The following ADAM22 variants were observed in gnomAD, a reference collection of about 807,000 sequenced individuals.
The protein encoded by ADAM22 is ADAM metallopeptidase domain 22, also known as disintegrin and metalloproteinase domain-containing protein 22.
A neutral mutation model predicts 144.6 loss-of-function variants in ADAM22; 65 were observed. The observed-to-expected ratio is 0.45, with a 90% CI of 0.37 to 0.55. The LOEUF (loss-of-function observed/expected upper bound fraction) is 0.55. ADAM22 is among the 20% of genes least tolerant of loss of function. The probability of loss-of-function intolerance (pLI) is 0.00; values close to 1 mark genes in which losing one functional copy is unlikely to be tolerated. For synonymous variants in ADAM22, 391 were observed against 412.6 expected (o/e 0.95, Z 0.63); for missense variants, 974 against 1,184.9 (o/e 0.82, Z 2.61).
intron 2 of ADAM22, among the ~76,000 whole-genome samples, chr7:87,943,228 C>T (rs897095091): frequency 1.7e-4 from 25 of 150,926 alleles, no homozygotes; most frequent in African/African-American, 5.6e-4. Context: ...GATTTACATG[C>T]ATTATCTCTC....
chr7:88,110,614 G>A (rs1320517887), intron 5 of ADAM22, among the ~76,000 whole-genome samples: 1 of 150,760 alleles, frequency 6.6e-6, no homozygotes, highest in Non-Finnish European at 1.5e-5. Context: ...GTAATCCCAG[G>A]CATGAGCCAC....
chr7:88,129,047 G>T (rs1831111578), intron 9 of ADAM22, among the ~76,000 whole-genome samples: 1 of 151,890 alleles, frequency 6.6e-6, no homozygotes, highest in African/African-American at 2.4e-5. Context: ...AGTTCGCGGG[G>T]TACACCTTTA....
At chr7:88,155,539 AAAG>A (rs992193380) in intron 21 of ADAM22, among the ~76,000 whole-genome samples, 40 of 150,882 alleles carry the variant, frequency 2.7e-4, no homozygotes, top group Middle Eastern at 3.4e-3. Flanking sequence ...AAAAAAAAAA[AAAG>A]AAGAAGAAGA....
At chr7:88,007,736 A>G (rs1291011657) in intron 3 of ADAM22, among the ~76,000 whole-genome samples, 2 of 152,230 alleles carry the variant, frequency 1.3e-5, no homozygotes, top group Non-Finnish European at 2.9e-5. Flanking sequence ...TACACCTTAT[A>G]TAAAAATTAA....
chr7:87,991,658 G>A (rs1047097304), intron 3 of ADAM22, among the ~76,000 whole-genome samples: 10 of 152,250 alleles, frequency 6.6e-5, no homozygotes, highest in Non-Finnish European at 1.0e-4. Flanking sequence ...GAGCCACCGC[G>A]CCCGGCACTA....
intron 3 of ADAM22, among the ~76,000 whole-genome samples, chr7:88,070,682 A>G (rs1812511449): frequency 6.6e-6 from 1 of 152,116 alleles, no homozygotes. Flanking sequence ...AGTTGTTACT[A>G]GGATACATTT....
chr7:88,107,885 C>A (rs914577220), intron 4 of ADAM22, among the ~76,000 whole-genome samples: 1 of 152,110 alleles, frequency 6.6e-6, no homozygotes, highest in Non-Finnish European at 1.5e-5. Flanking sequence ...GACACTGTGC[C>A]TGACTCCCCA....
intron 3 of ADAM22, among the ~76,000 whole-genome samples, chr7:88,047,544 C>G (rs1257009267): frequency 2.0e-5 from 3 of 152,130 alleles, no homozygotes; most frequent in African/African-American, 7.2e-5. Context: ...GTCAAGTGCT[C>G]TCTAAATTTT....
At chr7:88,075,943 T>C (rs987962395) in intron 4 of ADAM22, among the ~76,000 whole-genome samples, 3 of 152,322 alleles carry the variant, frequency 2.0e-5, no homozygotes. Flanking sequence ...CTGCAAGTAC[T>C]AGGTTGGTGC....
chr7:87,978,369 G>C lies in ADAM22; in HGVS notation c.280G>C (p.Asp94His). The part of the protein sequence containing the change: ...THVDQASFQV[D>H]AFGTSFILDV... The stretch of plus-strand genomic sequence containing the variant: ...TGTTGACCAAGCAAGCTTCCAGGTT[G>C]ATGCCTTTGGAACGTCATTCATTCT... The change falls in exon 3 of 32, where the codon GAT (aspartate) becomes CAT (histidine). Residue 94 changes from aspartate (D) to histidine (H), a missense_variant. Transcript: ENST00000413139. 3 of 1,613,584 alleles carry C rather than the reference G, an allele frequency of 1.9e-6. No homozygotes were observed. The highest frequency in any genetic ancestry group is 2.5e-6 in the Non-Finnish European group (3 of 1,179,802).
chr7:88,058,308 A>G (rs987480981), intron 3 of ADAM22, among the ~76,000 whole-genome samples: 1 of 152,210 alleles, frequency 6.6e-6, no homozygotes, highest in Non-Finnish European at 1.5e-5. Flanking sequence ...AAACTCTAAA[A>G]CTTTGTTTTA....
intron 4 of ADAM22, among the ~76,000 whole-genome samples, chr7:88,083,652 G>A (rs968618410): frequency 1.4e-5 from 2 of 140,688 alleles, no homozygotes; most frequent in African/African-American, 2.6e-5. Flanking sequence ...GTATTTTAAA[G>A]CAAATTCCAG....
intron 2 of ADAM22, among the ~76,000 whole-genome samples, chr7:87,975,686 G>T (rs1227661317): frequency 1.3e-5 from 2 of 152,166 alleles, no homozygotes; most frequent in Non-Finnish European, 2.9e-5. Context: ...TAAATACCTT[G>T]CCAAGAAGAA....
intron 3 of ADAM22, among the ~76,000 whole-genome samples, chr7:88,012,538 C>G (rs973899443): frequency 2.0e-5 from 3 of 152,148 alleles, no homozygotes; most frequent in Non-Finnish European, 2.9e-5. Flanking sequence ...CCAGAAGTTT[C>G]AGGTACTTCT....
At chr7:88,101,680 C>G (rs922672074) in intron 4 of ADAM22, among the ~76,000 whole-genome samples, 1 of 152,108 alleles carries the variant, frequency 6.6e-6, no homozygotes, top group Non-Finnish European at 1.5e-5. Flanking sequence ...AAAGCCAACT[C>G]TTTTTTGGGA....
intron 2 of ADAM22, among the ~76,000 whole-genome samples, chr7:87,961,475 C>T (rs1328165642): frequency 6.6e-6 from 1 of 152,198 alleles, no homozygotes; most frequent in Non-Finnish European, 1.5e-5. Context: ...ATCTCTTCCC[C>T]TCCTCTTCCT....
rs1391274317 is a variant in ADAM22, at chr7:88,006,979, A to C, written c.323+28567A>C. On this transcript the variant is annotated intron_variant, in intron 3 of 31. Coordinates refer to ENST00000413139, the MANE Select transcript of ADAM22 (RefSeq NM_001324418.2). ...GTCAAATTGTCCCTGTTTGCAGATG[A>C]CATGATTGTATATCTAGAAAACCCC... Among the ~76,000 whole-genome samples, 3 of 152,140 alleles carry C rather than the reference A, an allele frequency of 2.0e-5. No individual in the cohort carries two copies. In the East Asian group the frequency reaches 5.8e-4, roughly 29 times the overall value.
chr7:88,077,096 T>C (rs1814754540), intron 4 of ADAM22, among the ~76,000 whole-genome samples: 1 of 152,242 alleles, frequency 6.6e-6, no homozygotes, highest in East Asian at 1.9e-4. Flanking sequence ...ATATTGTATC[T>C]GCTTGCTTCT....
At chr7:88,062,325 C>T (rs1030916884) in intron 3 of ADAM22, among the ~76,000 whole-genome samples, 3 of 152,236 alleles carry the variant, frequency 2.0e-5, no homozygotes, top group Non-Finnish European at 2.9e-5. Context: ...TCCATCAGCA[C>T]TTGCTGCTTT....
Sources: gnomAD v4.1 joint callset for allele counts (sites outside exome capture counted in the v4.1 genomes callset) on GRCh38, gnomAD v4.1.1 for gene constraint, MANE v1.5 for transcripts, NCBI Gene and HGNC (gene_info 2026-07-23, HGNC 2026-07-21) for gene names.